SLFN11: variants seen among roughly 807,000 people sequenced by gnomAD.
SLFN11 encodes schlafen family member 11.
In SLFN11, 43 loss-of-function variants were observed where a neutral mutation model predicts 53.4. The observed-to-expected ratio is 0.80, with a 90% confidence interval of 0.63 to 1.04. The LOEUF is 1.04. Among genes scored for constraint, SLFN11 ranks in the 50% least tolerant of loss-of-function variants. SLFN11 has a pLI of 0.00. For synonymous variants in SLFN11, 389 were observed against 394.7 expected, an observed-to-expected ratio of 0.99 and a Z score of 0.17; for missense variants, 990 against 1,079.1, an observed-to-expected ratio of 0.92 and a Z score of 1.16.
In SLFN11 at chr17:35,351,373, G is replaced by C. The variant is rs543998143; in HGVS notation, c.*983C>G. The C allele has an allele frequency of 6.6e-6, 1 of 152,222 alleles. No homozygotes were observed. The highest frequency in any genetic ancestry group is 2.4e-5 in the African/African-American group (1 of 41,522). 9.4% of individuals were successfully genotyped at this position (152,222 alleles called of 1,614,324 possible). On this transcript the variant is annotated 3_prime_UTR_variant, in exon 7 of 7. Coordinates refer to ENST00000685675, the MANE Select transcript of SLFN11 (RefSeq NM_001376007.1). ...GTTGGGGCTTCAACACGGGAATTTGGGGGTGAAGGGTGGGACACAAACATT... is the reference window on the plus strand; with the variant it reads ...GTTGGGGCTTCAACACGGGAATTTGCGGGTGAAGGGTGGGACACAAACATT...
In SLFN11 at chr17:35,351,397, T is replaced by C. The variant is rs1035627394; in HGVS notation, c.*959A>G. 6.6e-6 allele frequency: 1 copy of C among 152,034 alleles called. No individual in the cohort carries two copies. The highest frequency in any genetic ancestry group is 2.4e-5 in the African/African-American group (1 of 41,374). 9.4% of individuals were successfully genotyped at this position (152,034 alleles called of 1,614,324 possible). ...GGGGGTGAAGGGTGGGACACAAACA[T>C]TCAGTCCATAACAATGGCCCACCAA... On this transcript the variant is annotated 3_prime_UTR_variant, in exon 7 of 7. Transcript: ENST00000685675.
chr17:35,363,366 C>T lies in SLFN11; in HGVS notation c.442G>A (p.Ala148Thr), dbSNP rs933367686. The change falls in exon 4 of 7, where the codon GCA becomes ACA. Residue 148 changes from alanine to threonine, a missense_variant. By Grantham distance (58) the Ala-to-Thr change is moderately conservative (BLOSUM62 0). Coordinates refer to ENST00000685675, the MANE Select transcript of SLFN11 (RefSeq NM_001376007.1). ...CTTTTGGTCTTCAGGAAACAGAATGCCTCTCTTGAGTCCATGGAACGCACA... is the reference window on the plus strand; with the variant it reads ...CTTTTGGTCTTCAGGAAACAGAATGTCTCTCTTGAGTCCATGGAACGCACA... The part of the protein sequence containing the change: ...TSVRSMDSRE[A>T]FCFLKTKRKP... The T allele has an allele frequency of 4.3e-6, 7 of 1,614,004 alleles. No individual in the cohort carries two copies. The highest frequency in any genetic ancestry group is 5.9e-6 in the Non-Finnish European group (7 of 1,179,992).
rs909181994 is a variant in SLFN11, at chr17:35,363,140, A to T, written c.668T>A (p.Phe223Tyr). The T allele has an allele frequency of 2.5e-6, 4 of 1,613,828 alleles. No individual in the cohort carries two copies. Among genetic ancestry groups the T allele is most frequent in the Non-Finnish European group, 3.4e-6 (4 of 1,179,940 alleles). The part of the protein sequence containing the change: ...VEFKQFSTKH[F>Y]QEYVKRTIPE... ...AATTGTCCTTTTTACATATTCTTGG[A>T]AGTGTTTTGTAGAGAACTGTTTAAA... The change falls in exon 4 of 7, where the codon TTC (phenylalanine) becomes TAC (tyrosine). Residue 223 changes from phenylalanine to tyrosine, a missense_variant. By Grantham distance (22) the Phe-to-Tyr change is conservative. This residue lies in a region of SLFN11 where 521 missense variants were observed against 516.2 expected (regional missense o/e 1.01). Coordinates refer to ENST00000685675, the MANE Select transcript of SLFN11 (RefSeq NM_001376007.1).
rs1041163796 is a variant in SLFN11, at chr17:35,352,796, T to G, written c.2266A>C (p.Ile756Leu). The G allele has an allele frequency of 1.6e-5, 26 of 1,614,246 alleles. No homozygotes were observed. The highest frequency in any genetic ancestry group is 2.2e-5 in the Non-Finnish European group (26 of 1,180,042). The change falls in exon 7 of 7, where the codon ATC becomes CTC. Residue 756 changes from isoleucine to leucine, a missense_variant. By Grantham distance (5) the Ile-to-Leu change is conservative (BLOSUM62 2). Around this residue, in one of 3 missense-constraint regions of SLFN11, gnomAD observed 313 missense variants for 320.9 expected, o/e 0.98. Coordinates refer to ENST00000685675, the MANE Select transcript of SLFN11 (RefSeq NM_001376007.1). ...AATACCTCGAGGCACCCAGTGGGGA[T>G]GTTAAATGAAGGATTACTTCTAATT... is the stretch of plus-strand genomic sequence containing the variant. Reference protein sequence around the residue: ...QVIRSNPSFNIPTGCLEVFPE... With the variant: ...QVIRSNPSFNLPTGCLEVFPE...
In SLFN11 at chr17:35,353,874, G is replaced by C. The variant is rs777011294; in HGVS notation, c.1384C>G (p.Leu462Val). 1.2e-5 allele frequency: 20 copies of C among 1,613,056 alleles called. No homozygotes were observed. In the Admixed American group the frequency reaches 2.3e-4, roughly 19 times the overall value. The change falls in exon 6 of 7, where the codon CTG (leucine) becomes GTG (valine). Residue 462 changes from leucine (L) to valine (V), a missense_variant. Leu to Val is a conservative substitution (Grantham distance 32). Coordinates refer to ENST00000685675, the MANE Select transcript of SLFN11 (RefSeq NM_001376007.1). ...GGGGTGCTGTTCTGTGCTATCAGCA[G>C]AGCATCACAGATGACTCCTGGCTTC... ...QEKPGVICDA[L>V]LIAQNSTPIL...
chr17:35,363,102 G>A lies in SLFN11; in HGVS notation c.706C>T (p.Pro236Ser). 6.2e-7 allele frequency: 1 copy of A among 1,613,810 alleles called. No individual in the cohort carries two copies. Among genetic ancestry groups the A allele is most frequent in the Non-Finnish European group, 8.5e-7 (1 of 1,179,910 alleles). The change falls in exon 4 of 7, where the codon CCT becomes TCT. Residue 236 changes from proline (P) to serine (S), a missense_variant. By Grantham distance (74) the Pro-to-Ser change is moderately conservative. Transcript: ENST00000685675. The stretch of plus-strand genomic sequence containing the variant: ...CCTCCTCCAGTGTTTGCAAATGCAG[G>A]GACGTATTCTGGAATTGTCCTTTTT... ...YVKRTIPEYV[P>S]AFANTGGGYL...
At position 35,363,042 on chromosome 17, in the gene SLFN11, C is replaced by T. The variant is rs2141966303; in HGVS notation, c.766G>A (p.Glu256Lys). The T allele has an allele frequency of 6.2e-7, 1 of 1,614,030 alleles. No homozygotes were observed. The highest frequency in any genetic ancestry group is 1.6e-4 in the Middle Eastern group (1 of 6,062). Reference sequence around the variant, plus strand: ...TTTTCTTTTGCACATCCCAGGACTTCCCTACTCTTATCATCCACTCCAATA... The same window carrying T: ...TTTTCTTTTGCACATCCCAGGACTTTCCTACTCTTATCATCCACTCCAATA... ...LFIGVDDKSR[E>K]VLGCAKENVD... Residue 256 changes from glutamate to lysine, a missense_variant, in exon 4 of 7, where the codon GAA becomes AAA. Around this residue, in one of 3 missense-constraint regions of SLFN11, gnomAD observed 521 missense variants for 516.2 expected, o/e 1.01. Transcript: ENST00000685675.
chr17:35,357,205 C>G (rs1031608512), intron 5 of SLFN11, among the ~76,000 whole-genome samples: 1 of 150,114 alleles, frequency 6.7e-6, no homozygotes, highest in African/African-American at 2.4e-5. Flanking sequence ...TCTGGAAGCT[C>G]TTTATATATT....
Position 35,354,094 on chromosome 17 carries a change from G to A in SLFN11, c.1199-35C>T, listed in dbSNP as rs1203421039. 2.6e-6 allele frequency: 4 copies of A among 1,522,686 alleles called. No individual in the cohort carries two copies. In the African/African-American group the frequency reaches 4.2e-5, roughly 16 times the overall value. 94.3% of individuals were successfully genotyped at this position (1,522,686 alleles called of 1,614,324 possible). On this transcript the variant is annotated intron_variant, in intron 5 of 6. Transcript: ENST00000685675. ...AAAAGAATGATAAATTAGAGGAAGAGAAATAACCCTATTGATTAAGATGAC... is the reference window on the plus strand; with the variant it reads ...AAAAGAATGATAAATTAGAGGAAGAAAAATAACCCTATTGATTAAGATGAC...
chr17:35,350,670 G>A lies in SLFN11; in HGVS notation c.*1686C>T, dbSNP rs1906564522. ...ATTTAATGCAGTCAGAAAGAAAAAA[G>A]AAACATTTATCTCATTTTGCTGATC... On this transcript the variant is annotated 3_prime_UTR_variant, in exon 7 of 7. Transcript: ENST00000685675. The A allele has an allele frequency of 6.6e-6, 1 of 152,110 alleles. No individual in the cohort carries two copies. The allele number at this position is 152,110 out of a possible 1,614,324, so 9.4% of individuals were successfully genotyped here.
chr17:35,363,730 A>G lies in SLFN11; in HGVS notation c.78T>C (p.Leu26=). ...GCAGCTTTTTTCTGTTTTCTTCTCC[A>G]AGAGTCACTTCTCCTACATTGATGA... ...DLVINVGEVT[L]GEENRKKLQK... Residue 26 remains leucine (L), a synonymous_variant, in exon 4 of 7, where the codon CTT becomes CTC. Transcript: ENST00000685675. 1.9e-6 allele frequency: 3 copies of G among 1,613,694 alleles called. No individual in the cohort carries two copies. Among genetic ancestry groups the G allele is most frequent in the Non-Finnish European group, 2.5e-6 (3 of 1,179,810 alleles).
At position 35,363,346 on chromosome 17, in the gene SLFN11, G is replaced by T. The variant is rs1908505779; in HGVS notation, c.462C>A (p.Thr154=). 1.2e-6 allele frequency: 2 copies of T among 1,613,912 alleles called. No individual in the cohort carries two copies. The highest frequency in any genetic ancestry group is 2.2e-5 in the South Asian group (2 of 91,074). Residue 154 remains threonine, a synonymous_variant, in exon 4 of 7, where the codon ACC becomes ACA. Transcript: ENST00000685675. ...CTTCCAAGATTTTTGGCTTCCTTTT[G>T]GTCTTCAGGAAACAGAATGCCTCTC... ...DSREAFCFLK[T]KRKPKILEEG...
At chr17:35,356,586 G>A (rs1907497768) in intron 5 of SLFN11, among the ~76,000 whole-genome samples, 2 of 151,914 alleles carry the variant, frequency 1.3e-5, no homozygotes, top group African/African-American at 4.8e-5. Flanking sequence ...TCTTCACTTA[G>A]CAATGTATGG....
At chr17:35,369,516 C>T (rs1215267866) in intron 1 of SLFN11, among the ~76,000 whole-genome samples, 2 of 152,076 alleles carry the variant, frequency 1.3e-5, no homozygotes, top group African/African-American at 4.8e-5. Context: ...TCTGTGAACC[C>T]ACCTAGGGCC....
chr17:35,362,217 C>G (rs1908310291), intron 4 of SLFN11, among the ~76,000 whole-genome samples: 1 of 152,074 alleles, frequency 6.6e-6, no homozygotes, highest in Non-Finnish European at 1.5e-5. Context: ...AAGCCATGCA[C>G]AGTAGCACTC....
chr17:35,360,417 T>C lies in SLFN11; in HGVS notation c.1070-46A>G, dbSNP rs375642362. The C allele has an allele frequency of 2.1e-5, 32 of 1,539,738 alleles. No homozygotes were observed. The African/African-American group carries it at 3.7e-4, about 18-fold the overall frequency. On this transcript the variant is annotated intron_variant, in intron 4 of 6. Coordinates refer to ENST00000685675, the MANE Select transcript of SLFN11 (RefSeq NM_001376007.1). ...TTATTCTGACGTGTTAATCTCTTCA[T>C]ACTGAAAGAGGCTCTATCAGTAGGT...
intron 1 of SLFN11, among the ~76,000 whole-genome samples, 155 bp from the exon 2 acceptor site, chr17:35,367,855 T>C (rs1909162736): frequency 6.6e-6 from 1 of 152,000 alleles, no homozygotes; most frequent in Admixed American, 6.5e-5. Context: ...AGCTGTACGG[T>C]TTCCATTTAT....
rs1023938926 is a variant in SLFN11 at position 35,373,606 on chromosome 17, G to A, written c.-367C>T. 6.6e-6 allele frequency: 1 copy of A among 152,014 alleles called. No homozygotes were observed. The allele number at this position is 152,014 out of a possible 1,614,324, so 9.4% of individuals were successfully genotyped here. ...CCTCTCAAGCTCCAGCGCTTCCGAA[G>A]CCCCCTTAGCGTTTCCCTGGAGGCG... On this transcript the variant is annotated 5_prime_UTR_variant, in exon 1 of 7. Coordinates refer to ENST00000685675, the MANE Select transcript of SLFN11 (RefSeq NM_001376007.1).
chr17:35,360,296 T>G lies in SLFN11; in HGVS notation c.1145A>C (p.Tyr382Ser), dbSNP rs778058988. The change falls in exon 5 of 7, where the codon TAC becomes TCC. Residue 382 changes from tyrosine to serine, a missense_variant. Coordinates refer to ENST00000685675, the MANE Select transcript of SLFN11 (RefSeq NM_001376007.1). ...TTTATGTTCCAGGCCTTTCTTGGAG[T>G]ACACTGGTCTGCTAAGGGGAGGCCC... ...SSGPPLSRPVYSKKGLEHKKE... is the reference protein window; with the variant it reads ...SSGPPLSRPVSSKKGLEHKKE... 1 of 1,610,404 alleles carries G rather than the reference T, an allele frequency of 6.2e-7. No homozygotes were observed.
Sources: allele counts gnomAD v4.1 joint callset (sites outside exome capture counted in the v4.1 genomes callset), GRCh38; gene constraint gnomAD v4.1.1; regional missense constraint gnomAD v4.1.1; transcripts MANE v1.5; gene names NCBI Gene and HGNC (gene_info 2026-07-23, HGNC 2026-07-21).